The following PAXIP1 variants were observed in gnomAD, a reference collection of about 807,000 sequenced individuals.
PAXIP1 encodes the protein PAX interacting protein 1, also known as PAX-interacting protein 1.
A neutral mutation model predicts 140.6 loss-of-function variants in PAXIP1; 19 were observed. The ratio of observed to expected loss-of-function variants is 0.14; its 90% CI spans 0.09 to 0.20. The LOEUF is 0.20. Ranked by LOEUF, PAXIP1 falls within the 10% of genes least tolerant of loss-of-function variation. The probability of loss-of-function intolerance (pLI) is 1.00; values close to 1 mark genes in which losing one functional copy is unlikely to be tolerated. For synonymous variants in PAXIP1, 442 were observed against 444.6 expected (o/e 0.99, Z 0.07); for missense variants, 920 against 1,208.6 (o/e 0.76, Z 3.54).
At chr7:154,950,398 A>G (rs892178767) in intron 16 of PAXIP1, 3 of 152,244 alleles carry the variant, frequency 2.0e-5, no homozygotes, top group African/African-American at 7.2e-5. Context: ...ATACAACACC[A>G]AAGACACAAT....
chr7:154,967,938 A>T (rs1427457773), intron 7 of PAXIP1, 28 bp from the exon 8 acceptor site: 1 of 1,501,032 alleles, frequency 6.7e-7, no homozygotes, highest in Admixed American at 1.8e-5. Context: ...AAGAAAAAGA[A>T]AATTAAAACC....
chr7:154,993,913 A>T (rs2150784905), intron 2 of PAXIP1, 144 bp from the exon 3 acceptor site: 1 of 627,578 alleles, frequency 1.6e-6, no homozygotes, highest in Middle Eastern at 3.2e-4. Context: ...TTCAAATAGA[A>T]ATATTATAGT....
intron 1 of PAXIP1, among the ~76,000 whole-genome samples, chr7:154,999,789 T>C (rs1810802596): frequency 6.6e-6 from 1 of 152,140 alleles, no homozygotes; most frequent in Admixed American, 6.5e-5. Flanking sequence ...TGGATCTCCC[T>C]GACAGAAAGT....
intron 13 of PAXIP1, among the ~76,000 whole-genome samples, chr7:154,958,333 C>T (rs1333644996): frequency 6.6e-6 from 1 of 152,240 alleles, no homozygotes; most frequent in East Asian, 1.9e-4. Context: ...CTCAGAGGTT[C>T]TTTGACTTGT....
rs1808732843 is a variant in PAXIP1, at chr7:154,960,999, A to G, written c.2328T>C (p.Leu776=). ...GCCTCAGTGCCTCAAAGTTTCCCAG[A>G]AGAATGTCGCCAAGCCACTGGGCGT... ...CVNAQWLGDI[L]LGNFEALRQI... The change falls in exon 12 of 21, where the codon CTT becomes CTC. Residue 776 remains leucine (L), a synonymous_variant. Transcript: ENST00000404141. 2 of 1,601,834 alleles carry G rather than the reference A, an allele frequency of 1.2e-6. No individual in the cohort carries two copies. Among genetic ancestry groups the G allele is most frequent in the African/African-American group, 1.3e-5 (1 of 74,784 alleles).
chr7:154,999,855 G>C (rs1196883219), intron 1 of PAXIP1, among the ~76,000 whole-genome samples: 1 of 152,214 alleles, frequency 6.6e-6, no homozygotes, highest in South Asian at 2.1e-4. Context: ...GGTGGTCGCA[G>C]TGCAGAATGG....
In PAXIP1 at chr7:154,945,889, G is replaced by A; in HGVS notation, c.3194+476C>T. The stretch of plus-strand genomic sequence containing the variant: ...CCTAGGTGTCAATATTCTAAAGACT[G>A]ACCTTTGCATTTTCCTGACATGTTG... On this transcript the variant is annotated intron_variant, in intron 20 of 20. Coordinates refer to ENST00000404141, the MANE Select transcript of PAXIP1 (RefSeq NM_007349.4). 5.1e-6 allele frequency: 5 copies of A among 985,320 alleles called. No individual in the cohort carries two copies. The South Asian group carries it at 1.9e-4, about 37-fold the overall frequency. 61.0% of individuals were successfully genotyped at this position (985,320 alleles called of 1,614,324 possible).
intron 6 of PAXIP1, among the ~76,000 whole-genome samples, chr7:154,971,218 C>A (rs563028787): frequency 6.6e-6 from 1 of 152,346 alleles, no homozygotes; most frequent in South Asian, 2.1e-4. Context: ...GCTGTTTCTA[C>A]TACGGGCTTG....
chr7:154,959,787 T>C (rs1808677905), intron 13 of PAXIP1, 103 bp downstream of exon 13: 5 of 795,198 alleles, frequency 6.3e-6, no homozygotes, highest in Non-Finnish European at 1.1e-5. Context: ...GTTATCATGT[T>C]GACAAGTTAC....
Position 154,976,045 on chromosome 7 carries a change from T to C in PAXIP1, c.725A>G (p.Lys242Arg). 1.2e-6 allele frequency: 2 copies of C among 1,604,150 alleles called. No homozygotes were observed. The highest frequency in any genetic ancestry group is 1.7e-6 in the Non-Finnish European group (2 of 1,174,464). The change falls in exon 6 of 21, where the codon AAA becomes AGA. Residue 242 changes from lysine to arginine, a missense_variant. This residue lies in a region of PAXIP1 where 419 missense variants were observed against 514.7 expected (regional missense o/e 0.81). Coordinates refer to ENST00000404141, the MANE Select transcript of PAXIP1 (RefSeq NM_007349.4). ...ATCAAACATTAATTCCCCTTTAGAT[T>C]TTTCAGTGTTGGATTTAGGTGAAAA... ...QQFSPKSNTE[K>R]SKGELMFDDS... is the part of the protein sequence containing the mutation.
chr7:154,991,286 A>G (rs1810318457), intron 3 of PAXIP1, among the ~76,000 whole-genome samples: 1 of 152,200 alleles, frequency 6.6e-6, no homozygotes, highest in Admixed American at 6.5e-5. Context: ...TTGAAATCCA[A>G]TCTCTCCACT....
chr7:154,977,024 AGGAAAGCCCCGTT>A (rs1445036912), intron 5 of PAXIP1, among the ~76,000 whole-genome samples: 1 of 152,214 alleles, frequency 6.6e-6, no homozygotes, highest in Non-Finnish European at 1.5e-5. Flanking sequence ...GGAGGGCAGG[AGGAAAGCCCCGTT>A]GAAAGGTGAG....
intron 2 of PAXIP1, among the ~76,000 whole-genome samples, chr7:154,994,907 T>G (rs1810501281): frequency 6.6e-6 from 1 of 152,216 alleles, no homozygotes; most frequent in Non-Finnish European, 1.5e-5. Flanking sequence ...ATGTGCCTTA[T>G]CCAACATATC....
intron 2 of PAXIP1, among the ~76,000 whole-genome samples, chr7:154,994,260 T>C (rs1343449523): frequency 6.6e-6 from 1 of 152,340 alleles, no homozygotes; most frequent in African/African-American, 2.4e-5. Flanking sequence ...CTGAGATTAA[T>C]TATAAAACAG....
rs765819207 is a variant in PAXIP1 at position 154,943,934 on chromosome 7, T to C, written c.*215A>G. 2.8e-5 allele frequency: 16 copies of C among 573,348 alleles called. No individual in the cohort carries two copies. The highest frequency in any genetic ancestry group is 1.7e-4 in the African/African-American group (9 of 53,110). The allele number at this position is 573,348 out of a possible 1,614,324, so 35.5% of individuals were successfully genotyped here. A position where few individuals can be genotyped will look rare whatever the true frequency, so the allele number is the denominator to read the frequency against. Reference sequence around the variant, plus strand: ...CCTAATGTGGGCTCTTAAAGTCATATAATACAAAACATAATTTATGTTTCC... The same window carrying C: ...CCTAATGTGGGCTCTTAAAGTCATACAATACAAAACATAATTTATGTTTCC... On this transcript the variant is annotated 3_prime_UTR_variant, in exon 21 of 21. Coordinates refer to ENST00000404141, the MANE Select transcript of PAXIP1 (RefSeq NM_007349.4).
intron 5 of PAXIP1, among the ~76,000 whole-genome samples, chr7:154,977,444 C>T (rs759440104): frequency 1.3e-5 from 2 of 152,116 alleles, no homozygotes; most frequent in African/African-American, 2.4e-5. Context: ...AATAGGGATG[C>T]GGGGCAGCAG....
chr7:154,962,368 G>T lies in PAXIP1; in HGVS notation c.2080C>A (p.His694Asn). The T allele has an allele frequency of 6.2e-7, 1 of 1,613,990 alleles. No homozygotes were observed. The highest frequency in any genetic ancestry group is 1.3e-5 in the African/African-American group (1 of 75,050). ...KKMVPPHRAL[H>N]FPVAFPPGGK... The stretch of plus-strand genomic sequence containing the variant: ...CCTGGTGGGAAGGCCACTGGGAAGT[G>T]AAGGGCTCGGTGCGGCGGTACCATT... The change falls in exon 10 of 21, where the codon CAC becomes AAC. Residue 694 changes from histidine to asparagine, a missense_variant. His to Asn is a moderately conservative substitution (Grantham distance 68). Coordinates refer to ENST00000404141, the MANE Select transcript of PAXIP1 (RefSeq NM_007349.4).
chr7:154,952,145 CA>C (rs1808299656), intron 16 of PAXIP1: 1 of 152,268 alleles, frequency 6.6e-6, no homozygotes, highest in Non-Finnish European at 1.5e-5. Context: ...TTTTTAGAGT[CA>C]AAAAATTTTC....
chr7:154,955,670 A>G (rs1042764726), intron 14 of PAXIP1, 39 bp from the exon 15 acceptor site: 1 of 1,107,930 alleles, frequency 9.0e-7, no homozygotes, highest in East Asian at 2.7e-5. Flanking sequence ...GTGATTTCAT[A>G]TTTACTTACA....
Sources: allele counts gnomAD v4.1 joint callset (sites outside exome capture counted in the v4.1 genomes callset), GRCh38; gene constraint gnomAD v4.1.1; regional missense constraint gnomAD v4.1.1; transcripts MANE v1.5; gene names NCBI Gene and HGNC (gene_info 2026-07-23, HGNC 2026-07-21).